MAP4K3: variants seen among roughly 807,000 people sequenced by gnomAD.
MAP4K3 encodes MAPK/ERK kinase kinase kinase 3.
Under a neutral mutation model 143.5 loss-of-function variants are expected in MAP4K3, and 94 were observed. The observed-to-expected ratio is 0.65, with a 90% CI of 0.55 to 0.78. MAP4K3 has a LOEUF of 0.78. Ranked by LOEUF, MAP4K3 falls within the 30% of genes least tolerant of loss-of-function variation. MAP4K3 has a pLI of 0.00. For synonymous variants in MAP4K3, 416 were observed against 347.2 expected, an observed-to-expected ratio of 1.20 and a Z score of -2.20; for missense variants, 1,077 against 1,068.1, an observed-to-expected ratio of 1.01 and a Z score of -0.12.
intron 1 of MAP4K3, among the ~76,000 whole-genome samples, chr2:39,421,644 C>T (rs185027369): frequency 1.3e-5 from 2 of 152,166 alleles, no homozygotes; most frequent in South Asian, 2.1e-4. Context: ...TAAAATAAGG[C>T]CTAGTACATA....
chr2:39,392,059 C>T (rs1666678005), intron 1 of MAP4K3, among the ~76,000 whole-genome samples: 1 of 151,582 alleles, frequency 6.6e-6, no homozygotes, highest in South Asian at 2.1e-4. Flanking sequence ...GTAGCGCGCG[C>T]CTGTAGTCCC....
At position 39,437,127 on chromosome 2, in the gene MAP4K3, G is replaced by A. The variant is rs1048280486; in HGVS notation, c.-140C>T. 4 of 478,550 alleles carry A rather than the reference G, an allele frequency of 8.4e-6. No homozygotes were observed. The highest frequency in any genetic ancestry group is 6.2e-5 in the African/African-American group (3 of 48,030). The allele number at this position is 478,550 out of a possible 1,614,324, so 29.6% of individuals were successfully genotyped here. On this transcript the variant is annotated 5_prime_UTR_variant, in exon 1 of 34. Transcript: ENST00000263881. The stretch of plus-strand genomic sequence containing the variant: ...CACCCGGCTCCACGCTGCGGCCGCC[G>A]CCGCCGCCGCCGCTCCCCTCACGCC...
intron 26 of MAP4K3, among the ~76,000 whole-genome samples, chr2:39,268,168 T>C (rs1303429643): frequency 2.6e-5 from 4 of 152,140 alleles, no homozygotes; most frequent in African/African-American, 7.2e-5. Context: ...ATTTAATAGA[T>C]AAAAATCAAT....
At chr2:39,311,427 G>A (rs1682932610) in intron 13 of MAP4K3, among the ~76,000 whole-genome samples, 1 of 152,170 alleles carries the variant, frequency 6.6e-6, no homozygotes, top group African/African-American at 2.4e-5. Flanking sequence ...TGCTGATACA[G>A]GGTACTTGTG....
At chr2:39,416,947 G>A (rs892861753) in intron 1 of MAP4K3, among the ~76,000 whole-genome samples, 5 of 152,132 alleles carry the variant, frequency 3.3e-5, no homozygotes, top group African/African-American at 1.2e-4. Context: ...TTGTAAAATA[G>A]AGATAATTAA....
intron 12 of MAP4K3, among the ~76,000 whole-genome samples, chr2:39,319,686 T>C (rs574767638): frequency 4.1e-4 from 62 of 152,284 alleles, no homozygotes; most frequent in African/African-American, 1.4e-3. Flanking sequence ...TGTCATATGG[T>C]GAGCTATTAT....
At chr2:39,361,196 C>T (rs1288658969) in intron 2 of MAP4K3, among the ~76,000 whole-genome samples, 1 of 152,046 alleles carries the variant, frequency 6.6e-6, no homozygotes, top group Non-Finnish European at 1.5e-5. Flanking sequence ...CTCTCTCTCC[C>T]ACACCCTTTT....
At chr2:39,411,698 T>A (rs79184650) in intron 1 of MAP4K3, among the ~76,000 whole-genome samples, 2,159 of 152,296 alleles carry the variant, frequency 0.014, 26 homozygotes, top group Non-Finnish European at 0.022. Flanking sequence ...AGTACTTTCA[T>A]GAGCACAGAA....
At chr2:39,279,903 T>C (rs902650985) in intron 23 of MAP4K3, among the ~76,000 whole-genome samples, 5 of 152,116 alleles carry the variant, frequency 3.3e-5, no homozygotes, top group East Asian at 1.9e-4. Context: ...TAGTGAGCCA[T>C]GATCATGCCA....
chr2:39,359,737 C>T (rs917326851), intron 2 of MAP4K3, among the ~76,000 whole-genome samples: 4 of 152,264 alleles, frequency 2.6e-5, no homozygotes, highest in Non-Finnish European at 5.9e-5. Flanking sequence ...CTCAATACCA[C>T]GTGGAAGCTG....
intron 6 of MAP4K3, among the ~76,000 whole-genome samples, chr2:39,334,090 T>C (rs1011074505): frequency 6.0e-5 from 9 of 151,108 alleles, no homozygotes; most frequent in African/African-American, 1.7e-4. Context: ...GTACATGAGG[T>C]TGTCTATCCT....
chr2:39,311,558 A>C (rs1682938953), intron 13 of MAP4K3, among the ~76,000 whole-genome samples: 1 of 152,216 alleles, frequency 6.6e-6, no homozygotes, highest in Non-Finnish European at 1.5e-5. Flanking sequence ...ACTGTATATG[A>C]GTTCCAAGAT....
Position 39,425,234 on chromosome 2 carries a change from A to G in MAP4K3, c.96+11658T>C, listed in dbSNP as rs559467052. Among the ~76,000 whole-genome samples the G allele has an allele frequency of 3.9e-5, 6 of 152,328 alleles. No individual in the cohort carries two copies. In the East Asian group the frequency reaches 5.8e-4, roughly 15 times the overall value. ...GCATGAGTCAGCATAAAACAAAGCA[A>G]CAAACTGCAAGATGAAATCCCCCAA... On this transcript the variant is annotated intron_variant, in intron 1 of 33. Transcript: ENST00000263881.
rs1450322040 is a variant in MAP4K3, at chr2:39,258,334, A to T, written c.2470+14T>A. 1 of 1,525,486 alleles carries T rather than the reference A, an allele frequency of 6.6e-7. No individual in the cohort carries two copies. The highest frequency in any genetic ancestry group is 2.3e-5 in the East Asian group (1 of 44,438). 94.5% of individuals were successfully genotyped at this position (1,525,486 alleles called of 1,614,324 possible). A position where few individuals can be genotyped will look rare whatever the true frequency, so the allele number is the denominator to read the frequency against. ...GGAGTTCATAATGCAAAGAATTATAAAACTTTGACTTACCTATTGATTCAA... is the reference window on the plus strand; with the variant it reads ...GGAGTTCATAATGCAAAGAATTATATAACTTTGACTTACCTATTGATTCAA... On this transcript the variant is annotated intron_variant, in intron 31 of 33. Coordinates refer to ENST00000263881, the MANE Select transcript of MAP4K3 (RefSeq NM_003618.4).
rs192842958 is a variant in MAP4K3 at position 39,328,648 on chromosome 2, A to G, written c.531-2371T>C. Among the ~76,000 whole-genome samples, 14 of 152,300 alleles carry G rather than the reference A, an allele frequency of 9.2e-5. No homozygotes were observed. The East Asian group carries it at 1.3e-3, about 15-fold the overall frequency. On this transcript the variant is annotated intron_variant, in intron 8 of 33. Coordinates refer to ENST00000263881, the MANE Select transcript of MAP4K3 (RefSeq NM_003618.4). ...TGTTCTGGTGGTTTCTTACCACCAC[A>G]GCATACAAGTTTTTCAACATTCATA... is the stretch of plus-strand genomic sequence containing the variant.
chr2:39,320,627 T>C (rs1683268942), intron 12 of MAP4K3, among the ~76,000 whole-genome samples: 1 of 152,136 alleles, frequency 6.6e-6, no homozygotes. Context: ...ATTCTGAAGG[T>C]GGGTAGAATG....
intron 3 of MAP4K3, among the ~76,000 whole-genome samples, chr2:39,354,445 AAAATAAAT>A (rs544710240): frequency 6.6e-6 from 1 of 151,878 alleles, no homozygotes; most frequent in Non-Finnish European, 1.5e-5. Flanking sequence ...TCCATCTCAA[AAAATAAAT>A]AAATAAATAA....
At chr2:39,272,682 C>T (rs574858689) in intron 24 of MAP4K3, 140 bp from the exon 25 acceptor site, 1 of 642,838 alleles carries the variant, frequency 1.6e-6, no homozygotes, top group East Asian at 2.8e-5. Context: ...TTAACTTTAT[C>T]AAGGATTCAA....
intron 12 of MAP4K3, among the ~76,000 whole-genome samples, chr2:39,324,415 C>A (rs920705400): frequency 2.6e-5 from 4 of 151,360 alleles, no homozygotes; most frequent in Non-Finnish European, 4.4e-5. Flanking sequence ...CAAAAAAAAA[C>A]AAAAACAAAA....
Sources: gnomAD v4.1 joint callset for allele counts (sites outside exome capture counted in the v4.1 genomes callset) on GRCh38, gnomAD v4.1.1 for gene constraint, MANE v1.5 for transcripts, NCBI Gene and HGNC (gene_info 2026-07-23, HGNC 2026-07-21) for gene names.